Variants in SSBP3 observed in about 807,000 individuals in gnomAD.
SSBP3 encodes single-stranded DNA-binding protein 3.
SSBP3 carries 5 observed loss-of-function variants against 69.6 expected under a neutral mutation model. The observed-to-expected ratio is 0.07, with a 90% CI of 0.04 to 0.15. The LOEUF is 0.15. Among genes scored for constraint, SSBP3 ranks in the 10% least tolerant of loss-of-function variants. The pLI, the probability that SSBP3 is intolerant of heterozygous loss-of-function variation, is 1.00. For missense variants in SSBP3, 312 were observed against 534.0 expected (o/e 0.58, Z 4.10); for synonymous variants, 196 against 193.4 (o/e 1.01, Z -0.11).
intron 4 of SSBP3, among the ~76,000 whole-genome samples, chr1:54,377,472 G>C (rs767779171): frequency 6.6e-6 from 1 of 152,214 alleles, no homozygotes; most frequent in Non-Finnish European, 1.5e-5. Flanking sequence ...TTGCAGAAAA[G>C]AGCAGGGTCA....
intron 4 of SSBP3, among the ~76,000 whole-genome samples, chr1:54,305,677 G>A (rs955552244): frequency 6.6e-6 from 1 of 151,296 alleles, no homozygotes; most frequent in African/African-American, 2.4e-5. Flanking sequence ...TGCCCAGGCT[G>A]GTACTTCTGA....
chr1:54,394,715 TTTTTTG>T (rs1648737805), intron 4 of SSBP3, among the ~76,000 whole-genome samples: 1 of 145,418 alleles, frequency 6.9e-6, no homozygotes, highest in Admixed American at 6.8e-5. Context: ...TTTTTTTTTT[TTTTTTG>T]AGACGGAGTC....
Position 54,232,997 on chromosome 1 carries a change from C to T in SSBP3, c.928-4171G>A, listed in dbSNP as rs371226002. Among the ~76,000 whole-genome samples the T allele has an allele frequency of 6.8e-4, 104 of 152,220 alleles. No homozygotes were observed. In the East Asian group the frequency reaches 0.015, roughly 21 times the overall value. ...GCCGAGATTGCAGCCTCTGCCCGGC[C>T]GCCACCCGTCTGGGAAGTGAGGAGT... On this transcript the variant is annotated intron_variant, in intron 14 of 17. Coordinates refer to ENST00000610401, the Ensembl canonical transcript of SSBP3.
intron 4 of SSBP3, among the ~76,000 whole-genome samples, chr1:54,342,680 T>A (rs2100532075): frequency 6.6e-6 from 1 of 152,372 alleles, no homozygotes. Flanking sequence ...CTTAGCAGCC[T>A]TGAAACCTTG....
intron 14 of SSBP3, among the ~76,000 whole-genome samples, chr1:54,232,644 C>A (rs1337248867): frequency 1.3e-5 from 2 of 152,106 alleles, no homozygotes. Context: ...TCATGCGGAG[C>A]CGAAGCTGGA....
intron 9 of SSBP3, 58 bp downstream of exon 9, chr1:54,251,558 A>G: frequency 6.6e-7 from 1 of 1,505,442 alleles, no homozygotes; most frequent in African/African-American, 1.4e-5. Context: ...GAAACAGGAG[A>G]GAAGGCGGGT....
At chr1:54,334,876 G>A (rs1646482518) in intron 4 of SSBP3, among the ~76,000 whole-genome samples, 1 of 152,172 alleles carries the variant, frequency 6.6e-6, no homozygotes, top group African/African-American at 2.4e-5. Flanking sequence ...TCCTGTGCCT[G>A]TGAAGTTGAT....
At chr1:54,248,289 G>A (rs1226134482) in intron 9 of SSBP3, among the ~76,000 whole-genome samples, 1 of 152,238 alleles carries the variant, frequency 6.6e-6, no homozygotes, top group Non-Finnish European at 1.5e-5. Flanking sequence ...AGCCCGGGCT[G>A]TGGCAGTAGG....
intron 4 of SSBP3, among the ~76,000 whole-genome samples, chr1:54,363,846 C>T (rs1030631531): frequency 6.6e-6 from 1 of 152,198 alleles, no homozygotes; most frequent in Non-Finnish European, 1.5e-5. Flanking sequence ...TACAACTCTT[C>T]AGGAACAGGG....
chr1:54,252,169 G>C (rs1570265112), intron 7 of SSBP3, among the ~76,000 whole-genome samples: 1 of 152,188 alleles, frequency 6.6e-6, no homozygotes, highest in Admixed American at 6.5e-5. Flanking sequence ...AGGAGACCAA[G>C]TTCTCTAGGT....
At chr1:54,299,345 G>A (rs554039185) in intron 4 of SSBP3, among the ~76,000 whole-genome samples, 20 of 152,240 alleles carry the variant, frequency 1.3e-4, no homozygotes, top group South Asian at 2.1e-4. Context: ...TCACGGGGGC[G>A]TGCTAGCACA....
intron 4 of SSBP3, among the ~76,000 whole-genome samples, chr1:54,351,375 C>T (rs912962032): frequency 2.0e-5 from 3 of 152,068 alleles, no homozygotes; most frequent in African/African-American, 7.3e-5. Context: ...CCAAGGTTAC[C>T]GGAAGGATGA....
chr1:54,283,896 G>GC (rs1197130299), intron 4 of SSBP3, among the ~76,000 whole-genome samples: 2 of 152,160 alleles, frequency 1.3e-5, no homozygotes, highest in African/African-American at 4.8e-5. Context: ...ACTGCTGGCT[G>GC]CATTACTGTT....
At chr1:54,296,301 C>T (rs1000309464) in intron 4 of SSBP3, among the ~76,000 whole-genome samples, 4 of 152,226 alleles carry the variant, frequency 2.6e-5, no homozygotes, top group East Asian at 1.9e-4. Context: ...ATGCTGGTTC[C>T]GTTCCTAGCC....
chr1:54,328,058 G>A lies in SSBP3; in HGVS notation c.277-46531C>T, dbSNP rs1407250808. Among the ~76,000 whole-genome samples the A allele has an allele frequency of 5.3e-5, 8 of 152,150 alleles. No individual in the cohort carries two copies. In the South Asian group the frequency reaches 6.2e-4, roughly 12 times the overall value. ...ATGGTTGATAGGGAAGAGGACGGGCGACTCTAGGGAGTGGGAGGGAGAATG... is the reference window on the plus strand; with the variant it reads ...ATGGTTGATAGGGAAGAGGACGGGCAACTCTAGGGAGTGGGAGGGAGAATG... On this transcript the variant is annotated intron_variant, in intron 4 of 17. Transcript: ENST00000610401.
intron 4 of SSBP3, among the ~76,000 whole-genome samples, chr1:54,306,646 A>C (rs1296782518): frequency 6.6e-6 from 1 of 152,176 alleles, no homozygotes; most frequent in African/African-American, 2.4e-5. Flanking sequence ...CTGTGTGCTG[A>C]GCGCTTCGTG....
At chr1:54,288,131 C>A (rs1645525887) in intron 4 of SSBP3, among the ~76,000 whole-genome samples, 1 of 152,174 alleles carries the variant, frequency 6.6e-6, no homozygotes, top group Non-Finnish European at 1.5e-5. Flanking sequence ...GGGTCGCTCC[C>A]AGCGGAGACA....
rs550016606 is a variant in SSBP3 at position 54,252,831 on chromosome 1, G to A, written c.508-971C>T. 2.0e-5 allele frequency among the ~76,000 whole-genome samples: 3 copies of A among 152,326 alleles called. No individual in the cohort carries two copies. The South Asian group carries it at 6.2e-4, about 32-fold the overall frequency. ...TTTATAAATATGAGCTTTTGCCTTCGAGAGGAAAAGCCTTTTGGCTGGTCA... is the reference window on the plus strand; with the variant it reads ...TTTATAAATATGAGCTTTTGCCTTCAAGAGGAAAAGCCTTTTGGCTGGTCA... On this transcript the variant is annotated intron_variant, in intron 7 of 17. Coordinates refer to ENST00000610401, the Ensembl canonical transcript of SSBP3.
chr1:54,405,381 GT>G lies in SSBP3; in HGVS notation c.57-452del, dbSNP rs1649648861. 8 of 178,308 alleles carry G rather than the reference GT, an allele frequency of 4.5e-5. No individual in the cohort carries two copies. The South Asian group carries it at 1.0e-3, about 23-fold the overall frequency. The allele number at this position is 178,308 out of a possible 1,614,324, so 11.0% of individuals were successfully genotyped here. ...CCTCGTCACCTCCCCCCAAACAACT[GT>G]GCCCCAAGCCTGGGGCCAAGCCGGC... On this transcript the variant is annotated intron_variant, in intron 1 of 17. Coordinates refer to ENST00000610401, the Ensembl canonical transcript of SSBP3.
Sources: allele counts gnomAD v4.1 joint callset (sites outside exome capture counted in the v4.1 genomes callset), GRCh38; gene constraint gnomAD v4.1.1; transcripts MANE v1.5; gene names NCBI Gene and HGNC (gene_info 2026-07-23, HGNC 2026-07-21).